UBE2K: variants seen among roughly 807,000 people sequenced by gnomAD.
UBE2K encodes ubiquitin conjugating enzyme E2 K, also known as ubiquitin-conjugating enzyme E2 K.
In UBE2K, 6 loss-of-function variants were observed where a neutral mutation model predicts 30.0. The observed-to-expected ratio is 0.20, with a 90% confidence interval of 0.11 to 0.39. UBE2K has a LOEUF of 0.39. Ranked by LOEUF, UBE2K falls within the 10% of genes least tolerant of loss-of-function variation. The pLI, the probability that UBE2K is intolerant of heterozygous loss-of-function variation, is 1.00. For missense variants in UBE2K, 61 were observed against 241.6 expected, an observed-to-expected ratio of 0.25 and a Z score of 4.96; for synonymous variants, 86 against 83.7, an observed-to-expected ratio of 1.03 and a Z score of -0.15.
intron 1 of UBE2K, chr4:39,713,710 C>T (rs1402358676): frequency 6.6e-6 from 1 of 152,028 alleles, no homozygotes; most frequent in Non-Finnish European, 1.5e-5. Flanking sequence ...ATTACTAACT[C>T]CCTATCCCCC....
chr4:39,729,018 G>T (rs1294623193), intron 1 of UBE2K, among the ~76,000 whole-genome samples: 2 of 148,226 alleles, frequency 1.3e-5, no homozygotes, highest in African/African-American at 5.0e-5. Flanking sequence ...GCCCAAGCTG[G>T]AGTACTGTGC....
chr4:39,748,278 T>G (rs1191822048), intron 3 of UBE2K, among the ~76,000 whole-genome samples: 1 of 152,122 alleles, frequency 6.6e-6, no homozygotes, highest in Non-Finnish European at 1.5e-5. Context: ...AGTCTGGAGT[T>G]TAGTGGCATG....
chr4:39,732,276 A>T (rs948574009), intron 1 of UBE2K, among the ~76,000 whole-genome samples: 2 of 152,240 alleles, frequency 1.3e-5, no homozygotes, highest in Non-Finnish European at 2.9e-5. Flanking sequence ...ATAGCTAGTA[A>T]GTTTTAAAAA....
intron 1 of UBE2K, among the ~76,000 whole-genome samples, chr4:39,729,679 C>A (rs1327588037): frequency 1.3e-5 from 2 of 152,146 alleles, no homozygotes; most frequent in Admixed American, 6.5e-5. Flanking sequence ...CTGATTGTTA[C>A]AACACTTCAA....
At chr4:39,772,140 A>G (rs1712925962) in intron 4 of UBE2K, among the ~76,000 whole-genome samples, 1 of 152,120 alleles carries the variant, frequency 6.6e-6, no homozygotes, top group Non-Finnish European at 1.5e-5. Context: ...CCCAGCCTAA[A>G]TTAACTTTTA....
intron 1 of UBE2K, among the ~76,000 whole-genome samples, chr4:39,719,053 G>A (rs895710689): frequency 1.2e-4 from 18 of 152,236 alleles, no homozygotes; most frequent in Admixed American, 3.3e-4. Flanking sequence ...CTGCCAGCAC[G>A]CTGTCACCTC....
intron 1 of UBE2K, among the ~76,000 whole-genome samples, chr4:39,713,630 A>G (rs1718842278): frequency 6.6e-6 from 1 of 151,976 alleles, no homozygotes; most frequent in South Asian, 2.1e-4. Context: ...CATTAAGGAC[A>G]TTGTGTAGCT....
At chr4:39,769,240 TTG>T (rs1486290771) in intron 4 of UBE2K, among the ~76,000 whole-genome samples, 1 of 151,908 alleles carries the variant, frequency 6.6e-6, no homozygotes, top group Non-Finnish European at 1.5e-5. Context: ...GTTTTGTTTT[TTG>T]TTTTTTATTT....
chr4:39,738,207 A>C (rs1176461649), intron 2 of UBE2K, among the ~76,000 whole-genome samples: 1 of 152,234 alleles, frequency 6.6e-6, no homozygotes, highest in Non-Finnish European at 1.5e-5. Flanking sequence ...ATTAATAACT[A>C]TTCAAATATT....
At chr4:39,735,568 A>G (rs1005121317) in intron 1 of UBE2K, among the ~76,000 whole-genome samples, 1 of 152,228 alleles carries the variant, frequency 6.6e-6, no homozygotes, top group Non-Finnish European at 1.5e-5. Flanking sequence ...TTTTTAGTAG[A>G]GACAGGGTTT....
intron 1 of UBE2K, among the ~76,000 whole-genome samples, chr4:39,728,489 T>C (rs1257846300): frequency 2.0e-5 from 3 of 152,200 alleles, no homozygotes; most frequent in Non-Finnish European, 4.4e-5. Flanking sequence ...TTGTTGATCG[T>C]TCAGCAACAT....
intron 3 of UBE2K, among the ~76,000 whole-genome samples, chr4:39,750,877 T>C (rs924947174): frequency 1.2e-4 from 18 of 151,890 alleles, no homozygotes; most frequent in Non-Finnish European, 2.2e-4. Context: ...TTCGAGTAGC[T>C]TGGACTACAG....
At chr4:39,755,934 A>T (rs1483408901) in intron 4 of UBE2K, among the ~76,000 whole-genome samples, 195 bp downstream of exon 4, 1 of 152,258 alleles carries the variant, frequency 6.6e-6, no homozygotes, top group African/African-American at 2.4e-5. Context: ...GAAACTTGTT[A>T]GATAATGTTA....
rs892118083 is a variant in UBE2K at position 39,705,423 on chromosome 4, C to A, written c.63+7033C>A. 1.5e-4 allele frequency among the ~76,000 whole-genome samples: 22 copies of A among 150,396 alleles called. 1 individual carries two copies. The highest frequency in any genetic ancestry group is 3.0e-4 in the Non-Finnish European group (20 of 67,512). Reference sequence around the variant, plus strand: ...CATGTTGGCCAGGCTGGTCTCGAACCCCTGACCTCAAGTGATCCAACTGCC... The same window carrying A: ...CATGTTGGCCAGGCTGGTCTCGAACACCTGACCTCAAGTGATCCAACTGCC... On this transcript the variant is annotated intron_variant, in intron 1 of 6. Coordinates refer to ENST00000261427, the MANE Select transcript of UBE2K (RefSeq NM_005339.5).
intron 3 of UBE2K, among the ~76,000 whole-genome samples, chr4:39,747,402 G>A (rs773873311): frequency 5.3e-5 from 8 of 152,026 alleles, no homozygotes; most frequent in African/African-American, 7.2e-5. Flanking sequence ...CTGTTTCTCC[G>A]AGTTTGATTA....
chr4:39,764,643 C>A (rs1269920349), intron 4 of UBE2K, among the ~76,000 whole-genome samples: 4 of 151,988 alleles, frequency 2.6e-5, no homozygotes, highest in Non-Finnish European at 4.4e-5. Context: ...TGCCATGTTG[C>A]CCATGCTGGC....
rs773924148 is a variant in UBE2K, at chr4:39,782,640, G to A, written c.*4206G>A. On this transcript the variant is annotated 3_prime_UTR_variant, in exon 7 of 7. Transcript: ENST00000261427. ...AAGCAGGGTGGGCTGTGGGGTGGAA[G>A]GTTGGGGTATTTGTCTTGAGAATTA... 2 of 152,140 alleles carry A rather than the reference G, an allele frequency of 1.3e-5. No homozygotes were observed. Among genetic ancestry groups the A allele is most frequent in the Non-Finnish European group, 2.9e-5 (2 of 68,030 alleles). The allele number at this position is 152,140 out of a possible 1,614,324, so 9.4% of individuals were successfully genotyped here. A position where few individuals can be genotyped will look rare whatever the true frequency, so the allele number is the denominator to read the frequency against.
intron 3 of UBE2K, among the ~76,000 whole-genome samples, chr4:39,749,538 G>T (rs1208443053): frequency 6.6e-6 from 1 of 152,084 alleles, no homozygotes; most frequent in Non-Finnish European, 1.5e-5. Flanking sequence ...TACTAGTCTG[G>T]TATGGTGGCA....
intron 2 of UBE2K, among the ~76,000 whole-genome samples, chr4:39,745,448 A>G (rs1177968320): frequency 6.6e-6 from 1 of 151,516 alleles, no homozygotes. Flanking sequence ...GGAGATTAAA[A>G]CTCCAATAGT....
Sources: allele counts gnomAD v4.1 joint callset (sites outside exome capture counted in the v4.1 genomes callset), GRCh38; gene constraint gnomAD v4.1.1; transcripts MANE v1.5; gene names NCBI Gene and HGNC (gene_info 2026-07-23, HGNC 2026-07-21).